CCDC136: variants seen among roughly 807,000 people sequenced by gnomAD.
CCDC136 encodes the protein coiled-coil domain-containing protein 136.
Under a neutral mutation model 141.2 loss-of-function variants are expected in CCDC136, and 100 were observed. The ratio of observed to expected loss-of-function variants is 0.71; its 90% confidence interval spans 0.60 to 0.84. CCDC136 has a LOEUF of 0.84. CCDC136 is among the 40% of genes least tolerant of loss of function. The probability of loss-of-function intolerance (pLI) is 0.00; values close to 1 mark genes in which losing one functional copy is unlikely to be tolerated. For missense variants in CCDC136, 1,206 were observed against 1,379.4 expected, an observed-to-expected ratio of 0.87 and a Z score of 1.99; for synonymous variants, 474 against 531.9, an observed-to-expected ratio of 0.89 and a Z score of 1.50.
chr7:128,809,432 A>ACCCCCCCCCCCC lies in CCDC136; in HGVS notation c.1606-15_1606-14insCCCCCCCCCCCC. ...CTTACAGAGTAACCACCCCCTCCAC[A>ACCCCCCCCCCCC]CCCGCCCCCACCCACAGTGTGACAC... On this transcript the variant is annotated splice_polypyrimidine_tract_variant and intron_variant, in intron 10 of 17. Coordinates refer to ENST00000297788, the MANE Select transcript of CCDC136 (RefSeq NM_022742.5). 8.0e-7 allele frequency: 1 copy of ACCCCCCCCCCCC among 1,253,180 alleles called. No homozygotes were observed. The allele number at this position is 1,253,180 out of a possible 1,614,324, so 77.6% of individuals were successfully genotyped here. A position where few individuals can be genotyped will look rare whatever the true frequency, so the allele number is the denominator to read the frequency against.
intron 5 of CCDC136, 41 bp downstream of exon 5, chr7:128,804,802 C>A: frequency 7.7e-7 from 1 of 1,300,546 alleles, no homozygotes; most frequent in East Asian, 2.5e-5. Context: ...TGGGGTTCCA[C>A]AGGACTCTGC....
At position 128,809,609 on chromosome 7, in the gene CCDC136, A is replaced by T. The variant is rs1317604372; in HGVS notation, c.1765A>T (p.Thr589Ser). 6 of 1,557,030 alleles carry T rather than the reference A, an allele frequency of 3.9e-6. No homozygotes were observed. Among genetic ancestry groups the T allele is most frequent in the Non-Finnish European group, 5.2e-6 (6 of 1,151,272 alleles). ...GQLQEELHRLTLPLPKSGLLL... is the reference protein window; with the variant it reads ...GQLQEELHRLSLPLPKSGLLL... The stretch of plus-strand genomic sequence containing the variant: ...GCTGCAGGAAGAGCTGCACAGGCTC[A>T]CACTGCCACTGCCAAAGAGTGGCCT... Residue 589 changes from threonine to serine, a missense_variant, in exon 11 of 18, where the codon ACA (threonine) becomes TCA (serine). Coordinates refer to ENST00000297788, the MANE Select transcript of CCDC136 (RefSeq NM_022742.5).
At chr7:128,812,408 T>C in intron 13 of CCDC136, 96 bp downstream of exon 13, 2 of 1,356,442 alleles carry the variant, frequency 1.5e-6, no homozygotes, top group Non-Finnish European at 1.0e-6. Flanking sequence ...AGTGTGGGAA[T>C]GGGGTCAGAA....
intron 10 of CCDC136, chr7:128,807,762 A>G (rs1805092068): frequency 2.8e-6 from 1 of 356,098 alleles, no homozygotes; most frequent in East Asian, 4.3e-5. Context: ...TTTGGATCCC[A>G]GTCTGAACCC....
intron 8 of CCDC136, 85 bp downstream of exon 8, chr7:128,806,480 G>C (rs1027510952): frequency 7.5e-6 from 10 of 1,341,104 alleles, no homozygotes; most frequent in Non-Finnish European, 1.0e-5. Flanking sequence ...AGAGTAGTGA[G>C]TTAAAAATAA....
At position 128,821,927 on chromosome 7, in the gene CCDC136, C is replaced by T. The variant is rs774262127; in HGVS notation, c.*134C>T. Reference sequence around the variant, plus strand: ...TGGAGTGATGGCAGACCTTGGCCAGCGCGAGGGCAGATCCCCAGTGGCCAC... The same window carrying T: ...TGGAGTGATGGCAGACCTTGGCCAGTGCGAGGGCAGATCCCCAGTGGCCAC... On this transcript the variant is annotated 3_prime_UTR_variant, in exon 18 of 18. Transcript: ENST00000297788. This position sits in a 1 kb window ranked among gnomAD's most constrained non-coding sequence, Gnocchi z 5.1. The T allele has an allele frequency of 2.3e-5, 30 of 1,289,606 alleles. No homozygotes were observed. Among genetic ancestry groups the T allele is most frequent in the East Asian group, 5.5e-5 (1 of 18,022 alleles). The allele number at this position is 1,289,606 out of a possible 1,614,324, so 79.9% of individuals were successfully genotyped here. A position where few individuals can be genotyped will look rare whatever the true frequency, so the allele number is the denominator to read the frequency against.
upstream of CCDC136, chr7:128,791,738 G>C (rs533184504): frequency 2.5e-4 from 104 of 423,386 alleles, no homozygotes; most frequent in African/African-American, 2.0e-3. The surrounding 1 kb of genome is among the most constrained non-coding windows in gnomAD (Gnocchi z 7.1). Context: ...TGAGGCTTCC[G>C]CGCACCGGCC....
In CCDC136 at chr7:128,805,344, G is replaced by A. The variant is rs753662078; in HGVS notation, c.783-15G>A. On this transcript the variant is annotated splice_polypyrimidine_tract_variant and intron_variant, in intron 5 of 17. Transcript: ENST00000297788. The surrounding 1 kb of genome is among the most constrained non-coding windows in gnomAD (Gnocchi z 4.6). The stretch of plus-strand genomic sequence containing the variant: ...GAACTCCCTTCAAGCATAGCTCTGC[G>A]GTTCTGAATTGCAGGACACAGAGAG... The A allele has an allele frequency of 2.5e-5, 40 of 1,612,662 alleles. No homozygotes were observed. The highest frequency in any genetic ancestry group is 2.8e-5 in the Non-Finnish European group (33 of 1,179,308).
In CCDC136 at chr7:128,817,651, T is replaced by C; in HGVS notation, c.3364-107T>C. 1.1e-6 allele frequency: 1 copy of C among 878,506 alleles called. No homozygotes were observed. Among genetic ancestry groups the C allele is most frequent in the Admixed American group, 1.7e-5 (1 of 58,592 alleles). 54.4% of individuals were successfully genotyped at this position (878,506 alleles called of 1,614,324 possible). ...GTTTTTTAACCTCTTGATTCCTTTC[T>C]CTTTTCCCTTTGTTTTCTCATCTTC... On this transcript the variant is annotated intron_variant, in intron 16 of 17. Coordinates refer to ENST00000297788, the MANE Select transcript of CCDC136 (RefSeq NM_022742.5). This position sits in a 1 kb window ranked among gnomAD's most constrained non-coding sequence, Gnocchi z 4.6.
At position 128,805,510 on chromosome 7, in the gene CCDC136, G is replaced by A; in HGVS notation, c.934G>A (p.Gly312Ser). 6.2e-7 allele frequency: 1 copy of A among 1,610,304 alleles called. No individual in the cohort carries two copies. Among genetic ancestry groups the A allele is most frequent in the Non-Finnish European group, 8.5e-7 (1 of 1,177,546 alleles). The change falls in exon 6 of 18, where the codon GGC becomes AGC. Residue 312 changes from glycine (G) to serine (S), a missense_variant. Coordinates refer to ENST00000297788, the MANE Select transcript of CCDC136 (RefSeq NM_022742.5). The surrounding 1 kb of genome is among the most constrained non-coding windows in gnomAD (Gnocchi z 4.6). ...QLRDAEEQMH[G>S]MKNKCQELCC... is the part of the protein sequence containing the mutation. ...ACGGGATGCTGAAGAGCAGATGCAT[G>A]GCATGAAGAACAAGGTAGGGCACAG...
intron 3 of CCDC136, among the ~76,000 whole-genome samples, chr7:128,795,880 G>A (rs1802868565): frequency 6.6e-6 from 1 of 152,134 alleles, no homozygotes; most frequent in Admixed American, 6.5e-5. Flanking sequence ...ACATTCTAAC[G>A]GAGAGAGGCA....
Position 128,812,077 on chromosome 7 carries a change from A to G in CCDC136, c.2306A>G (p.Asn769Ser), listed in dbSNP as rs1805819728. The G allele has an allele frequency of 4.3e-6, 7 of 1,613,910 alleles. No individual in the cohort carries two copies. In the South Asian group the frequency reaches 5.5e-5, roughly 13 times the overall value. Residue 769 changes from asparagine to serine, a missense_variant, in exon 13 of 18, where the codon AAT becomes AGT. Coordinates refer to ENST00000297788, the MANE Select transcript of CCDC136 (RefSeq NM_022742.5). ...RKTYDTTVDD[N>S]ESYYKSYTST... ...ACTTATGATACCACTGTGGATGACA[A>G]TGAGAGCTATTACAAGAGTTACACC... is the stretch of plus-strand genomic sequence containing the variant.
At chr7:128,801,044 G>A in intron 3 of CCDC136, 142 bp from the exon 4 acceptor site, 1 of 617,000 alleles carries the variant, frequency 1.6e-6, no homozygotes, top group Non-Finnish European at 2.9e-6. Context: ...CCGGCATGAT[G>A]CTACACTTCT....
At position 128,815,706 on chromosome 7, in the gene CCDC136, A is replaced by C; in HGVS notation, c.3138A>C (p.Glu1046Asp). 1 of 1,556,110 alleles carries C rather than the reference A, an allele frequency of 6.4e-7. No homozygotes were observed. Among genetic ancestry groups the C allele is most frequent in the Non-Finnish European group, 8.7e-7 (1 of 1,149,644 alleles). Residue 1046 changes from glutamate (E) to aspartate (D), a missense_variant, in exon 16 of 18, where the codon GAA becomes GAC. Transcript: ENST00000297788. ...EEEKKEEMEE[E>D]KKQVKEEAKE... ...AAAAGAAAGAGGAGATGGAGGAGGA[A>C]AAAAAGCAAGTGAAAGAGGAAGCAA... is the stretch of plus-strand genomic sequence containing the variant.
At chr7:128,797,728 G>A (rs1407829787) in intron 3 of CCDC136, among the ~76,000 whole-genome samples, 1 of 152,124 alleles carries the variant, frequency 6.6e-6, no homozygotes, top group Non-Finnish European at 1.5e-5. Context: ...GAGAAGTAAG[G>A]GAAATAGGGT....
intron 16 of CCDC136, among the ~76,000 whole-genome samples, chr7:128,816,966 C>T (rs1380355142): frequency 1.3e-5 from 2 of 152,186 alleles, no homozygotes; most frequent in Admixed American, 6.5e-5. Context: ...TGTGGAAAGT[C>T]GGAACCACTG....
At chr7:128,809,726 GT>G in intron 11 of CCDC136, 82 bp downstream of exon 11, 1 of 1,095,712 alleles carries the variant, frequency 9.1e-7, no homozygotes, top group East Asian at 2.7e-5. Context: ...AAATAAAAGG[GT>G]GGGGATTGAA....
In CCDC136 at chr7:128,805,147, C is replaced by G. The variant is rs371100494; in HGVS notation, c.783-212C>G. 6.6e-5 allele frequency among the ~76,000 whole-genome samples: 10 copies of G among 152,310 alleles called. No homozygotes were observed. The East Asian group carries it at 7.7e-4, about 12-fold the overall frequency. ...CCTCAAAACTAACTGGACTGGCACTCTAAGGGTCTCCCAGAGCCAAACACA... is the reference window on the plus strand; with the variant it reads ...CCTCAAAACTAACTGGACTGGCACTGTAAGGGTCTCCCAGAGCCAAACACA... On this transcript the variant is annotated intron_variant, in intron 5 of 17. Coordinates refer to ENST00000297788, the MANE Select transcript of CCDC136 (RefSeq NM_022742.5). This position sits in a 1 kb window ranked among gnomAD's most constrained non-coding sequence, Gnocchi z 4.6.
At position 128,801,368 on chromosome 7, in the gene CCDC136, C is replaced by T. The variant is rs1413838428; in HGVS notation, c.529C>T (p.Arg177Trp). The change falls in exon 4 of 18, where the codon CGG (arginine) becomes TGG (tryptophan). Residue 177 changes from arginine to tryptophan, a missense_variant. By Grantham distance (101) the Arg-to-Trp change is moderately radical. Coordinates refer to ENST00000297788, the MANE Select transcript of CCDC136 (RefSeq NM_022742.5). ...DIASLQEDLC[R>W]MQNELEDMER... ...AGCATCCCTGCAGGAGGATCTCTGC[C>T]GGATGCAGAATGAACTTGAAGACAT... The T allele has an allele frequency of 9.9e-6, 16 of 1,613,130 alleles. 1 individual carries two copies. Among genetic ancestry groups the T allele is most frequent in the African/African-American group, 4.0e-5 (3 of 74,862 alleles).
Sources: gnomAD v4.1 joint callset for allele counts (sites outside exome capture counted in the v4.1 genomes callset) on GRCh38, gnomAD v4.1.1 for gene constraint, Gnocchi (gnomAD v3.1) non-coding constraint, MANE v1.5 for transcripts, NCBI Gene and HGNC (gene_info 2026-07-23, HGNC 2026-07-21) for gene names.